The following SATB2 variants were observed in gnomAD, a reference collection of about 807,000 sequenced individuals.
The protein encoded by SATB2 is DNA-binding protein SATB2.
A neutral mutation model predicts 73.4 loss-of-function variants in SATB2; 1 was observed. That is an observed-to-expected ratio of 0.01 (90% CI 0.00 to 0.06). SATB2 has a LOEUF of 0.06. SATB2 is among the 10% of genes least tolerant of loss of function. SATB2 has a pLI of 1.00. For missense variants in SATB2, 459 were observed against 945.8 expected (o/e 0.49, Z 6.75); for synonymous variants, 397 against 367.0 (o/e 1.08, Z -0.93).
At chr2:199,390,215 T>C (rs1237615550) in intron 3 of SATB2, among the ~76,000 whole-genome samples, 1 of 152,158 alleles carries the variant, frequency 6.6e-6, no homozygotes, top group Non-Finnish European at 1.5e-5. Flanking sequence ...AGCCAAAATA[T>C]TGGTCAGGAT....
At chr2:199,355,805 T>G (rs905714613) in intron 6 of SATB2, among the ~76,000 whole-genome samples, 1 of 152,174 alleles carries the variant, frequency 6.6e-6, no homozygotes, top group African/African-American at 2.4e-5. Flanking sequence ...AGACTTTCCT[T>G]AGATATCTCT....
chr2:199,295,017 G>A (rs755845050), intron 10 of SATB2, among the ~76,000 whole-genome samples: 27 of 152,002 alleles, frequency 1.8e-4, no homozygotes, highest in Non-Finnish European at 2.4e-4. Flanking sequence ...TTTGGCACTA[G>A]GAAATCACAA....
intron 10 of SATB2, among the ~76,000 whole-genome samples, chr2:199,273,241 T>G (rs1227887328): frequency 6.6e-6 from 1 of 152,192 alleles, no homozygotes; most frequent in African/African-American, 2.4e-5. Flanking sequence ...TTGGCAAACT[T>G]TGTCAGGAAA....
At chr2:199,283,548 G>C (rs1158149549) in intron 10 of SATB2, among the ~76,000 whole-genome samples, 4 of 149,716 alleles carry the variant, frequency 2.7e-5, no homozygotes, top group African/African-American at 4.9e-5. Context: ...AAGTCAAAAA[G>C]GTAAATAATG....
intron 10 of SATB2, among the ~76,000 whole-genome samples, chr2:199,287,270 C>A (rs1396241897): frequency 1.3e-5 from 2 of 152,082 alleles, no homozygotes; most frequent in Non-Finnish European, 2.9e-5. Context: ...AGAATAGAGA[C>A]CACTTCAGAT....
chr2:199,298,290 C>T (rs989555182), intron 10 of SATB2, among the ~76,000 whole-genome samples: 2 of 152,192 alleles, frequency 1.3e-5, no homozygotes, highest in Non-Finnish European at 2.9e-5. Flanking sequence ...GTCAGAGCTC[C>T]AATTCCAGTG....
At chr2:199,330,472 C>G (rs1000614302) in intron 7 of SATB2, among the ~76,000 whole-genome samples, 3 of 152,078 alleles carry the variant, frequency 2.0e-5, no homozygotes, top group South Asian at 2.1e-4. Context: ...GCGTCTGTGT[C>G]TGTGTGTGTG....
At chr2:199,411,921 T>C (rs1005718627) in intron 3 of SATB2, among the ~76,000 whole-genome samples, 2 of 152,316 alleles carry the variant, frequency 1.3e-5, no homozygotes, top group South Asian at 2.1e-4. Flanking sequence ...TCAATTGTAA[T>C]TGAATCTTAA....
chr2:199,348,989 A>G lies in SATB2; in HGVS notation c.885T>C (p.Pro295=), dbSNP rs769752183. 22 of 1,614,026 alleles carry G rather than the reference A, an allele frequency of 1.4e-5. No individual in the cohort carries two copies. ...QVPALQPIMS[P]GLLSPQLSPQ... is the part of the protein sequence containing the mutation. ...GACTAAGCTGGGGAGAAAGAAGACCAGGGCTCATGATGGGCTGTAATGCGG... is the reference window on the plus strand; with the variant it reads ...GACTAAGCTGGGGAGAAAGAAGACCGGGGCTCATGATGGGCTGTAATGCGG... The change falls in exon 7 of 11, where the codon CCT becomes CCC. Residue 295 remains proline, a synonymous_variant. Transcript: ENST00000417098.
At chr2:199,423,180 C>T (rs1285588078) in intron 3 of SATB2, among the ~76,000 whole-genome samples, 1 of 152,026 alleles carries the variant, frequency 6.6e-6, no homozygotes, top group Admixed American at 6.6e-5. Context: ...TAGGTCCTAC[C>T]TAACATTTTA....
chr2:199,348,873 G>T lies in SATB2; in HGVS notation c.1001C>A (p.Ala334Asp), dbSNP rs1481732485. The T allele has an allele frequency of 1.9e-6, 3 of 1,614,016 alleles. No individual in the cohort carries two copies. ...SRLLAHQHPQ[A>D]INQQFLNHPP... ...ATGGTTCAGGAACTGCTGGTTGATGGCTTGAGGATGCTGGTGAGCCAGGAG... is the reference window on the plus strand; with the variant it reads ...ATGGTTCAGGAACTGCTGGTTGATGTCTTGAGGATGCTGGTGAGCCAGGAG... The change falls in exon 7 of 11, where the codon GCC becomes GAC. Residue 334 changes from alanine to aspartate, a missense_variant. Around this residue, in one of 13 missense-constraint regions of SATB2, gnomAD observed 35 missense variants for 55.3 expected, o/e 0.63. Transcript: ENST00000417098.
chr2:199,341,772 A>G (rs2105813552), intron 7 of SATB2, among the ~76,000 whole-genome samples: 1 of 152,338 alleles, frequency 6.6e-6, no homozygotes, highest in Non-Finnish European at 1.5e-5. Context: ...TGGCATGACC[A>G]ATTAGGCTGG....
chr2:199,343,669 G>T (rs1197233981), intron 7 of SATB2, among the ~76,000 whole-genome samples: 1 of 152,150 alleles, frequency 6.6e-6, no homozygotes, highest in Non-Finnish European at 1.5e-5. Flanking sequence ...TACACAACAG[G>T]TTATGATCCC....
chr2:199,289,896 A>G (rs1692803377), intron 10 of SATB2, among the ~76,000 whole-genome samples: 1 of 152,176 alleles, frequency 6.6e-6, no homozygotes, highest in Non-Finnish European at 1.5e-5. Context: ...CATTGCTGTA[A>G]TTCAGACTCT....
chr2:199,353,960 G>A (rs192448188), intron 6 of SATB2, among the ~76,000 whole-genome samples: 3 of 152,302 alleles, frequency 2.0e-5, no homozygotes, highest in African/African-American at 7.2e-5. Context: ...AAAAAATGAA[G>A]GGTAAAAGGT....
At chr2:199,377,309 C>CGGCA (rs1689634534) in intron 5 of SATB2, among the ~76,000 whole-genome samples, 1 of 152,086 alleles carries the variant, frequency 6.6e-6, no homozygotes, top group Admixed American at 6.6e-5. Context: ...AACAGGGAGG[C>CGGCA]GGCAGTTGCA....
chr2:199,363,780 A>C (rs1226803995), intron 6 of SATB2, among the ~76,000 whole-genome samples: 1 of 152,196 alleles, frequency 6.6e-6, no homozygotes, highest in Admixed American at 6.5e-5. Flanking sequence ...TAAAATACGT[A>C]AGTAAATATG....
intron 3 of SATB2, among the ~76,000 whole-genome samples, chr2:199,426,060 C>G (rs550390502): frequency 1.3e-4 from 20 of 152,098 alleles, no homozygotes; most frequent in South Asian, 4.2e-4. Flanking sequence ...CTTTAGAGAG[C>G]CACAGAATTT....
chr2:199,402,542 G>A (rs1304493436), intron 3 of SATB2, among the ~76,000 whole-genome samples: 14 of 152,168 alleles, frequency 9.2e-5, no homozygotes, highest in Middle Eastern at 3.2e-3. Context: ...CAGCCTAGGC[G>A]AGAGAGCAAG....
Sources: allele counts gnomAD v4.1 joint callset (sites outside exome capture counted in the v4.1 genomes callset), GRCh38; gene constraint gnomAD v4.1.1; regional missense constraint gnomAD v4.1.1; transcripts MANE v1.5; gene names NCBI Gene and HGNC (gene_info 2026-07-23, HGNC 2026-07-21).